The following STOX1 variants were observed in gnomAD, a reference collection of about 807,000 sequenced individuals.
The protein encoded by STOX1 is storkhead box 1, also known as storkhead-box protein 1.
STOX1 carries 57 observed loss-of-function variants against 74.8 expected under a neutral mutation model. The ratio of observed to expected loss-of-function variants is 0.76; its 90% CI spans 0.62 to 0.95. STOX1 has a LOEUF of 0.95. STOX1 is among the 40% of genes least tolerant of loss of function. The probability of loss-of-function intolerance (pLI) is 0.00; values close to 1 mark genes in which losing one functional copy is unlikely to be tolerated. For synonymous variants in STOX1, 375 were observed against 401.3 expected, an observed-to-expected ratio of 0.93 and a Z score of 0.78; for missense variants, 1,010 against 1,117.0, an observed-to-expected ratio of 0.90 and a Z score of 1.37.
At chr10:68,878,875 C>T (rs1284457548) in intron 1 of STOX1, among the ~76,000 whole-genome samples, 2 of 152,190 alleles carry the variant, frequency 1.3e-5, no homozygotes, top group African/African-American at 4.8e-5. Flanking sequence ...TCTGGCTATA[C>T]TTGACTCCCC....
intron 3 of STOX1, among the ~76,000 whole-genome samples, chr10:68,888,855 T>C (rs1243411856): frequency 3.1e-5 from 4 of 127,588 alleles, no homozygotes; most frequent in African/African-American, 1.1e-4. Flanking sequence ...GGTTTCACCA[T>C]GTTGCTCAGG....
chr10:68,889,733 T>C (rs1175506054), intron 3 of STOX1, among the ~76,000 whole-genome samples: 1 of 151,806 alleles, frequency 6.6e-6, no homozygotes, highest in African/African-American at 2.4e-5. Context: ...CCAGCTAATT[T>C]TTGTGTTTTT....
At chr10:68,846,267 C>G (rs922334015) in intron 1 of STOX1, among the ~76,000 whole-genome samples, 1 of 151,924 alleles carries the variant, frequency 6.6e-6, no homozygotes, top group Non-Finnish European at 1.5e-5. Flanking sequence ...CTGCCTCAGC[C>G]TCCTGAATAG....
chr10:68,851,269 C>G (rs1450347169), intron 1 of STOX1, among the ~76,000 whole-genome samples: 1 of 147,970 alleles, frequency 6.8e-6, no homozygotes, highest in Non-Finnish European at 1.5e-5. Context: ...TATCACTGCA[C>G]TCCAGCCTGG....
At chr10:68,846,537 C>A (rs763491644) in intron 1 of STOX1, among the ~76,000 whole-genome samples, 3 of 152,134 alleles carry the variant, frequency 2.0e-5, no homozygotes, top group Non-Finnish European at 2.9e-5. Context: ...CATTGGATAA[C>A]CCTGGCTTTT....
chr10:68,840,344 A>T (rs936148140), intron 1 of STOX1, among the ~76,000 whole-genome samples: 10 of 152,184 alleles, frequency 6.6e-5, no homozygotes, highest in African/African-American at 9.6e-5. Context: ...ACAAGCATCA[A>T]CTATTTATTT....
Position 68,875,466 on chromosome 10 carries a change from G to C in STOX1, c.311-6492G>C, listed in dbSNP as rs150195595. Among the ~76,000 whole-genome samples, 12 of 152,176 alleles carry C rather than the reference G, an allele frequency of 7.9e-5. No homozygotes were observed. The East Asian group carries it at 2.3e-3, about 29-fold the overall frequency. The stretch of plus-strand genomic sequence containing the variant: ...AGGCAATCTTGAGATGTTTCTATTT[G>C]TCATGGGTGCACCTCTTGATATTCT... On this transcript the variant is annotated intron_variant, in intron 1 of 3. Coordinates refer to ENST00000298596, the MANE Select transcript of STOX1 (RefSeq NM_152709.5).
chr10:68,832,827 A>G (rs888397037), intron 1 of STOX1, among the ~76,000 whole-genome samples: 6 of 152,016 alleles, frequency 3.9e-5, no homozygotes, highest in African/African-American at 1.4e-4. Flanking sequence ...GTAGTGGTAC[A>G]ATCATGGGTC....
chr10:68,867,233 C>T (rs1450852816), intron 1 of STOX1, among the ~76,000 whole-genome samples: 1 of 152,164 alleles, frequency 6.6e-6, no homozygotes, highest in Non-Finnish European at 1.5e-5. Context: ...GTGTGAGCCA[C>T]CGTGCCTGGC....
intron 1 of STOX1, among the ~76,000 whole-genome samples, chr10:68,875,987 CT>C (rs139388138): frequency 0.013 from 1,958 of 151,696 alleles, 38 homozygotes; most frequent in African/African-American, 0.045. Flanking sequence ...TTGCTTTGCA[CT>C]TTTTTTCCTC....
At chr10:68,848,313 C>T (rs1839903248) in intron 1 of STOX1, among the ~76,000 whole-genome samples, 1 of 152,220 alleles carries the variant, frequency 6.6e-6, no homozygotes, top group Non-Finnish European at 1.5e-5. Flanking sequence ...CCACCCAGAC[C>T]TCAGCCAGGT....
intron 1 of STOX1, among the ~76,000 whole-genome samples, chr10:68,866,382 T>C (rs1840404950): frequency 6.6e-6 from 1 of 152,182 alleles, no homozygotes; most frequent in Non-Finnish European, 1.5e-5. Context: ...TTTCTTTCCC[T>C]GAATAGTTTT....
At chr10:68,854,985 C>T (rs890442595) in intron 1 of STOX1, among the ~76,000 whole-genome samples, 1 of 151,954 alleles carries the variant, frequency 6.6e-6, no homozygotes, top group Non-Finnish European at 1.5e-5. Context: ...TGCCTGTGGT[C>T]CCAGGTACTG....
chr10:68,854,637 C>T (rs1050845921), intron 1 of STOX1, among the ~76,000 whole-genome samples: 1 of 152,084 alleles, frequency 6.6e-6, no homozygotes, highest in Non-Finnish European at 1.5e-5. Flanking sequence ...TACAGGTATG[C>T]TGCCCACAGA....
At chr10:68,831,073 T>G (rs896276511) in intron 1 of STOX1, among the ~76,000 whole-genome samples, 1 of 152,212 alleles carries the variant, frequency 6.6e-6, no homozygotes, top group Admixed American at 6.5e-5. Flanking sequence ...AAAGAGCTGC[T>G]GTGGACTATT....
At chr10:68,880,758 T>A (rs1840797940) in intron 1 of STOX1, among the ~76,000 whole-genome samples, 1 of 152,170 alleles carries the variant, frequency 6.6e-6, no homozygotes, top group Non-Finnish European at 1.5e-5. Flanking sequence ...AGTGGCGCCA[T>A]CTCGGCTCAC....
intron 1 of STOX1, chr10:68,828,351 C>T (rs1006442101): frequency 2.0e-6 from 2 of 1,016,146 alleles, no homozygotes; most frequent in Non-Finnish European, 2.4e-6. Flanking sequence ...GAGCGCGGCC[C>T]CGTCTTCTGC....
chr10:68,884,115 A>G, intron 2 of STOX1, 145 bp from the exon 3 acceptor site: 2 of 762,692 alleles, frequency 2.6e-6, no homozygotes, highest in South Asian at 1.7e-5. Context: ...CATCACACCC[A>G]TCCCTGGCAT....
intron 1 of STOX1, among the ~76,000 whole-genome samples, chr10:68,854,780 A>G (rs1840079674): frequency 2.0e-5 from 3 of 152,132 alleles, no homozygotes; most frequent in South Asian, 2.1e-4. Context: ...CCCAGAGGGC[A>G]CACATGGCAC....
Sources: gnomAD v4.1 joint callset for allele counts (sites outside exome capture counted in the v4.1 genomes callset) on GRCh38, gnomAD v4.1.1 for gene constraint, MANE v1.5 for transcripts, NCBI Gene and HGNC (gene_info 2026-07-23, HGNC 2026-07-21) for gene names.